Variants in PDE1C observed in about 807,000 individuals in gnomAD.
PDE1C encodes phosphodiesterase 1C, also known as dual specificity calcium/calmodulin-dependent 3',5'-cyclic nucleotide phosphodiesterase 1C.
In PDE1C, 62 loss-of-function variants were observed where a neutral mutation model predicts 93.1. The observed-to-expected ratio is 0.67, with a 90% confidence interval of 0.54 to 0.82. The LOEUF (loss-of-function observed/expected upper bound fraction) is 0.82. PDE1C is among the 40% of genes least tolerant of loss of function. The pLI, the probability that PDE1C is intolerant of heterozygous loss-of-function variation, is 0.00. For synonymous variants in PDE1C, 325 were observed against 310.1 expected, an observed-to-expected ratio of 1.05 and a Z score of -0.50; for missense variants, 742 against 884.6, an observed-to-expected ratio of 0.84 and a Z score of 2.04.
chr7:31,638,970 T>C, the PDE1C span, among the ~76,000 whole-genome samples: 1 of 152,146 alleles, frequency 6.6e-6, no homozygotes, highest in East Asian at 1.9e-4. Flanking sequence ...AGACACGGGA[T>C]TTCACCATGT....
At chr7:32,377,532 T>G (rs1784453924) in intron 1 of PDE1C, among the ~76,000 whole-genome samples, 1 of 152,194 alleles carries the variant, frequency 6.6e-6, no homozygotes, top group East Asian at 1.9e-4. Flanking sequence ...TGAGAAGCAT[T>G]TTATCCCTGC....
chr7:31,773,058 C>T (rs983164189), intron 17 of PDE1C, among the ~76,000 whole-genome samples: 5 of 152,192 alleles, frequency 3.3e-5, no homozygotes, highest in Admixed American at 6.5e-5. Flanking sequence ...CAGCTCCTTC[C>T]GTGCACCCCT....
chr7:31,656,919 G>C, the PDE1C span, among the ~76,000 whole-genome samples: 2 of 151,558 alleles, frequency 1.3e-5, no homozygotes, highest in East Asian at 3.9e-4. Context: ...GCTGTCTTCA[G>C]TGCATGATGA....
the PDE1C span, among the ~76,000 whole-genome samples, chr7:31,720,361 G>A: frequency 6.6e-6 from 1 of 152,038 alleles, no homozygotes; most frequent in Non-Finnish European, 1.5e-5. Context: ...AGAAAGCACC[G>A]CACTAGGTAA....
chr7:32,265,477 G>T (rs951233016), intron 1 of PDE1C, among the ~76,000 whole-genome samples: 1 of 152,072 alleles, frequency 6.6e-6, no homozygotes, highest in South Asian at 2.1e-4. Context: ...TGTAATGGAC[G>T]CCACTATATA....
chr7:32,263,074 C>A (rs527345737), intron 1 of PDE1C, among the ~76,000 whole-genome samples: 76 of 152,300 alleles, frequency 5.0e-4, no homozygotes, highest in Middle Eastern at 6.8e-3. Context: ...ATATGAGGAT[C>A]TCCCGGAATG....
chr7:32,043,089 T>C (rs1434338822), intron 2 of PDE1C, among the ~76,000 whole-genome samples: 1 of 152,266 alleles, frequency 6.6e-6, no homozygotes, highest in Non-Finnish European at 1.5e-5. Context: ...TAGGGGAAGA[T>C]GAGATGTTAC....
At chr7:31,811,263 T>C (rs770995206) in intron 15 of PDE1C, among the ~76,000 whole-genome samples, 1 of 152,074 alleles carries the variant, frequency 6.6e-6, no homozygotes, top group Non-Finnish European at 1.5e-5. Context: ...CCTTCCACCA[T>C]GATTGTGAAG....
chr7:32,251,270 C>A (rs2128875417), intron 1 of PDE1C, among the ~76,000 whole-genome samples: 2 of 151,682 alleles, frequency 1.3e-5, no homozygotes, highest in South Asian at 4.2e-4. Flanking sequence ...CAGCCCAGGA[C>A]TAGGCCCGTC....
intron 17 of PDE1C, 124 bp from the exon 18 acceptor site, chr7:31,753,677 T>C (rs768669860): frequency 6.1e-5 from 83 of 1,362,158 alleles, no homozygotes; most frequent in Non-Finnish European, 7.2e-5. Flanking sequence ...AAGAAGCAGT[T>C]TGGATTCTCC....
intron 1 of PDE1C, among the ~76,000 whole-genome samples, chr7:32,402,690 A>G (rs898070272): frequency 5.9e-5 from 9 of 152,224 alleles, no homozygotes; most frequent in African/African-American, 2.2e-4. Context: ...AAGTTAACAC[A>G]TAAAATTCAC....
At chr7:31,780,330 T>C (rs1562777618) in intron 16 of PDE1C, among the ~76,000 whole-genome samples, 1 of 152,190 alleles carries the variant, frequency 6.6e-6, no homozygotes. Flanking sequence ...TTGTAAATGG[T>C]TTATTTCCAT....
the PDE1C span, among the ~76,000 whole-genome samples, chr7:31,711,911 C>T: frequency 2.6e-5 from 4 of 152,152 alleles, no homozygotes; most frequent in Admixed American, 6.5e-5. Context: ...GTGACACTGG[C>T]CTCTGCCATG....
chr7:31,837,805 C>G, intron 10 of PDE1C, 65 bp downstream of exon 10: 2 of 972,144 alleles, frequency 2.1e-6, no homozygotes, highest in Non-Finnish European at 3.3e-6. Flanking sequence ...AAAGGGATAG[C>G]CACATAGACG....
intron 15 of PDE1C, among the ~76,000 whole-genome samples, chr7:31,812,629 A>T (rs1014224400): frequency 2.0e-5 from 3 of 152,138 alleles, no homozygotes; most frequent in African/African-American, 7.2e-5. Flanking sequence ...AAACAGGATA[A>T]CTCATTTGTT....
chr7:31,918,114 A>G (rs1345588334), intron 2 of PDE1C, among the ~76,000 whole-genome samples: 1 of 152,188 alleles, frequency 6.6e-6, no homozygotes, highest in Non-Finnish European at 1.5e-5. Flanking sequence ...TATCAGACAG[A>G]TCAATTAGTA....
intron 2 of PDE1C, among the ~76,000 whole-genome samples, chr7:31,948,680 TA>T (rs1696344471): frequency 6.6e-6 from 1 of 152,188 alleles, no homozygotes; most frequent in Non-Finnish European, 1.5e-5. Flanking sequence ...AGTTGTTTTC[TA>T]GGGGGAAAGA....
intron 11 of PDE1C, among the ~76,000 whole-genome samples, chr7:31,829,720 C>T (rs372141545): frequency 2.1e-4 from 32 of 152,106 alleles, no homozygotes; most frequent in Non-Finnish European, 4.6e-4. Context: ...GACACCCCAG[C>T]GGACACAATG....
At chr7:32,054,686 G>A (rs1391464221) in intron 1 of PDE1C, among the ~76,000 whole-genome samples, 1 of 152,110 alleles carries the variant, frequency 6.6e-6, no homozygotes, top group Non-Finnish European at 1.5e-5. Flanking sequence ...TTCCTGACAC[G>A]CCCCTCGTTC....
Sources: allele counts gnomAD v4.1 joint callset (sites outside exome capture counted in the v4.1 genomes callset), GRCh38; gene constraint gnomAD v4.1.1; transcripts MANE v1.5; gene names NCBI Gene and HGNC (gene_info 2026-07-23, HGNC 2026-07-21).